GRHL2: variants seen among roughly 807,000 people sequenced by gnomAD.
The protein encoded by GRHL2 is grainyhead-like protein 2 homolog.
A neutral mutation model predicts 83.8 loss-of-function variants in GRHL2; 21 were observed. The ratio of observed to expected loss-of-function variants is 0.25; its 90% confidence interval spans 0.18 to 0.36. The LOEUF (loss-of-function observed/expected upper bound fraction) is 0.36. Among genes scored for constraint, GRHL2 ranks in the 10% least tolerant of loss-of-function variants. The pLI is 1.00. For synonymous variants in GRHL2, 280 were observed against 278.9 expected, an observed-to-expected ratio of 1.00 and a Z score of -0.04; for missense variants, 623 against 781.8, an observed-to-expected ratio of 0.80 and a Z score of 2.42.
At chr8:101,619,838 C>T in intron 9 of GRHL2, 141 bp downstream of exon 9, 1 of 597,230 alleles carries the variant, frequency 1.7e-6, no homozygotes, top group Non-Finnish European at 2.9e-6. Flanking sequence ...TGGTAATCTT[C>T]TATTCTCAGT....
chr8:101,637,757 A>G (rs1456055302), intron 12 of GRHL2, among the ~76,000 whole-genome samples: 1 of 152,134 alleles, frequency 6.6e-6, no homozygotes, highest in African/African-American at 2.4e-5. Context: ...TCCAGCTCGT[A>G]GGGAGTTCTT....
At chr8:101,597,438 CA>C (rs1255314283) in intron 7 of GRHL2, among the ~76,000 whole-genome samples, 1 of 151,992 alleles carries the variant, frequency 6.6e-6, no homozygotes, top group South Asian at 2.1e-4. Context: ...CCCAAATGTC[CA>C]ACAATGATAG....
At position 101,551,669 on chromosome 8, in the gene GRHL2, T is replaced by C. The variant is rs1385847626; in HGVS notation, c.217-1046T>C. Among the ~76,000 whole-genome samples the C allele has an allele frequency of 2.0e-5, 3 of 148,622 alleles. No individual in the cohort carries two copies. The East Asian group carries it at 5.9e-4, about 29-fold the overall frequency. On this transcript the variant is annotated intron_variant, in intron 2 of 15. Transcript: ENST00000646743. ...AAAAATACACAAACAAAAAATTCAA[T>C]CAACCAACCCAATTGAAGCCTACTT...
intron 7 of GRHL2, among the ~76,000 whole-genome samples, chr8:101,596,769 G>T (rs1304154761): frequency 6.6e-6 from 1 of 152,212 alleles, no homozygotes; most frequent in Non-Finnish European, 1.5e-5. Context: ...TTGGTTATTT[G>T]TGGGTGAGAA....
At position 101,515,434 on chromosome 8, in the gene GRHL2, A is replaced by G. The variant is rs183863509; in HGVS notation, c.20+22645A>G. On this transcript the variant is annotated intron_variant, in intron 1 of 15. Transcript: ENST00000646743. ...TCACGGATTCTGTCCTTGTTACAAT[A>G]TAGTGAGGAAAAAGAAAATGTAAAA... 4.1e-4 allele frequency among the ~76,000 whole-genome samples: 62 copies of G among 152,318 alleles called. 1 individual carries two copies. Among genetic ancestry groups the G allele is most frequent in the African/African-American group, 1.3e-3 (56 of 41,580 alleles).
chr8:101,518,247 A>G (rs1386231421), intron 1 of GRHL2, among the ~76,000 whole-genome samples: 1 of 152,158 alleles, frequency 6.6e-6, no homozygotes, highest in East Asian at 1.9e-4. Flanking sequence ...CGTTTCTACA[A>G]AAAATGCAAA....
intron 7 of GRHL2, among the ~76,000 whole-genome samples, chr8:101,582,256 G>A (rs1812069764): frequency 7.0e-6 from 1 of 142,222 alleles, no homozygotes; most frequent in Non-Finnish European, 1.6e-5. Flanking sequence ...AAAAAAATGG[G>A]ACTGACAAAT....
At chr8:101,605,573 A>T (rs1812616453) in intron 8 of GRHL2, among the ~76,000 whole-genome samples, 1 of 152,226 alleles carries the variant, frequency 6.6e-6, no homozygotes, top group East Asian at 1.9e-4. Flanking sequence ...CCCTGTCCTC[A>T]CGCCACACTT....
intron 8 of GRHL2, among the ~76,000 whole-genome samples, chr8:101,616,877 A>G (rs1271831164): frequency 6.6e-6 from 1 of 152,238 alleles, no homozygotes; most frequent in Non-Finnish European, 1.5e-5. Context: ...TGAATTAAAG[A>G]AATGAATGAA....
At chr8:101,634,062 G>A (rs1463911632) in intron 11 of GRHL2, among the ~76,000 whole-genome samples, 1 of 152,184 alleles carries the variant, frequency 6.6e-6, no homozygotes, top group African/African-American at 2.4e-5. Context: ...GCCTGAGGTG[G>A]AATCAGAAGG....
At chr8:101,584,978 GTCAGGTAGTCAGGTAGCCAGGTGA>G (rs1812133888) in intron 7 of GRHL2, among the ~76,000 whole-genome samples, 1 of 152,150 alleles carries the variant, frequency 6.6e-6, no homozygotes, top group Non-Finnish European at 1.5e-5. Flanking sequence ...TAGCCAAGTG[GTCAGGTAGTCAGGTAGCCAGGTGA>G]TCAGGTAGCC....
chr8:101,656,781 A>T (rs1405690638), intron 14 of GRHL2, among the ~76,000 whole-genome samples: 2 of 152,172 alleles, frequency 1.3e-5, no homozygotes, highest in Non-Finnish European at 2.9e-5. Flanking sequence ...ATGGTGCTTA[A>T]AGTAACACAC....
At chr8:101,644,927 A>G (rs1310992704) in intron 13 of GRHL2, among the ~76,000 whole-genome samples, 1 of 151,158 alleles carries the variant, frequency 6.6e-6, no homozygotes, top group Non-Finnish European at 1.5e-5. Flanking sequence ...GGCTCACTAC[A>G]GCGTCTACCT....
the GRHL2 span, among the ~76,000 whole-genome samples, chr8:101,678,199 G>A: frequency 3.4e-3 from 520 of 152,182 alleles, 6 homozygotes; most frequent in African/African-American, 0.012. Context: ...GGAGTGCCAG[G>A]CAGTGGGCGC....
At position 101,664,532 on chromosome 8, in the gene GRHL2, TG is replaced by T. The variant is rs1814002737; in HGVS notation, c.1763+15del. On this transcript the variant is annotated intron_variant, in intron 15 of 15. Coordinates refer to ENST00000646743, the MANE Select transcript of GRHL2 (RefSeq NM_024915.4). ...AAGCAAAAAAGGGTAAGAAAGAAACTGAACTTAAATTGACTTTCAAATCAGA... is the reference window on the plus strand; with the variant it reads ...AAGCAAAAAAGGGTAAGAAAGAAACTAACTTAAATTGACTTTCAAATCAGA... 6.3e-7 allele frequency: 1 copy of T among 1,581,322 alleles called. No individual in the cohort carries two copies. Among genetic ancestry groups the T allele is most frequent in the Non-Finnish European group, 8.7e-7 (1 of 1,150,792 alleles).
At chr8:101,574,393 C>G (rs1469072077) in intron 6 of GRHL2, among the ~76,000 whole-genome samples, 1 of 152,234 alleles carries the variant, frequency 6.6e-6, no homozygotes, top group Admixed American at 6.5e-5. Context: ...TCTCTGGAAG[C>G]CTGCCAGCTT....
intron 8 of GRHL2, among the ~76,000 whole-genome samples, chr8:101,616,400 A>G (rs182649803): frequency 1.4e-4 from 21 of 152,036 alleles, no homozygotes; most frequent in African/African-American, 5.1e-4. Context: ...CGAACTCCTG[A>G]CCTCTGGTGA....
chr8:101,624,535 G>GAGTACACAGTAGGAC (rs72219256), intron 9 of GRHL2, among the ~76,000 whole-genome samples: 1 of 12,220 alleles, frequency 8.2e-5, no homozygotes, highest in Admixed American at 1.6e-3. Context: ...AGACAGTTCA[G>GAGTACACAGTAGGAC]AGTACACAGT....
intron 14 of GRHL2, among the ~76,000 whole-genome samples, chr8:101,661,301 C>A (rs1338046103): frequency 2.6e-5 from 4 of 152,058 alleles, no homozygotes; most frequent in Non-Finnish European, 5.9e-5. Flanking sequence ...TTTTTCCTTC[C>A]CCTTTTCTCT....
Sources: gnomAD v4.1 joint callset for allele counts (sites outside exome capture counted in the v4.1 genomes callset) on GRCh38, gnomAD v4.1.1 for gene constraint, MANE v1.5 for transcripts, NCBI Gene and HGNC (gene_info 2026-07-23, HGNC 2026-07-21) for gene names.